Variants in RBP3 observed in about 807,000 individuals in gnomAD.
The protein encoded by RBP3 is retinol-binding protein 3.
In RBP3, 50 loss-of-function variants were observed where a neutral mutation model predicts 64.8. That is an observed-to-expected ratio of 0.77 (90% CI 0.61 to 0.98). The LOEUF is 0.98. Among genes scored for constraint, RBP3 ranks in the 50% least tolerant of loss-of-function variants. RBP3 has a pLI of 0.00. For synonymous variants in RBP3, 828 were observed against 730.2 expected (o/e 1.13, Z -2.16); for missense variants, 1,712 against 1,660.5 (o/e 1.03, Z -0.54).
rs150932600 is a variant in RBP3, at chr10:47,348,848, C to T, written c.364C>T (p.Arg122Cys). 38 of 1,613,898 alleles carry T rather than the reference C, an allele frequency of 2.4e-5. No individual in the cohort carries two copies. Among genetic ancestry groups the T allele is most frequent in the East Asian group, 6.7e-5 (3 of 44,872 alleles). ...ELLAWLQRGLRHEVLEGNVGY... is the reference protein window; with the variant it reads ...ELLAWLQRGLCHEVLEGNVGY... ...GCTTGCCTGGCTGCAAAGGGGCCTC[C>T]GCCATGAGGTTCTGGAGGGTAATGT... Residue 122 changes from arginine (R) to cysteine (C), a missense_variant, in exon 1 of 4, where the codon CGC becomes TGC. Coordinates refer to ENST00000584701, the MANE Select transcript of RBP3 (RefSeq NM_002900.3).
chr10:47,356,817 C>T (rs561199124), intron 3 of RBP3, among the ~76,000 whole-genome samples: 116 of 152,298 alleles, frequency 7.6e-4, no homozygotes, highest in African/African-American at 2.7e-3. Context: ...AGAGAGGATG[C>T]TCCTTTCTCA....
intron 3 of RBP3, 63 bp from the exon 4 acceptor site, chr10:47,357,039 G>A (rs1555212039): frequency 6.7e-7 from 1 of 1,498,168 alleles, no homozygotes; most frequent in Non-Finnish European, 9.1e-7. Flanking sequence ...AGGCAGGATA[G>A]AGAAGACAGG....
At position 47,351,381 on chromosome 10, in the gene RBP3, G is replaced by A; in HGVS notation, c.2897G>A (p.Ser966Asn). The A allele has an allele frequency of 6.2e-7, 1 of 1,613,556 alleles. No individual in the cohort carries two copies. Among genetic ancestry groups the A allele is most frequent in the Non-Finnish European group, 8.5e-7 (1 of 1,180,016 alleles). ...GGGGCCAAGATGGCCACCAAACTGA[G>A]CGGTCTGCAGAGCCGCTACTCCAGG... ...ELGAKMATKL[S>N]GLQSRYSRVT... The change falls in exon 1 of 4, where the codon AGC becomes AAC. Residue 966 changes from serine (S) to asparagine (N), a missense_variant. Transcript: ENST00000584701.
rs782018053 is a variant in RBP3 at position 47,349,636 on chromosome 10, G to A, written c.1152G>A (p.Arg384=). The stretch of plus-strand genomic sequence containing the variant: ...TGCAGGCTGCGTCTGAGGATCCCAG[G>A]CTCCTGGTGCGAGCCATCGGGCCCA... ...AGLQAASEDP[R]LLVRAIGPTE... The change falls in exon 1 of 4, where the codon AGG becomes AGA. Residue 384 remains arginine (R), a synonymous_variant. Transcript: ENST00000584701. 13 of 1,612,382 alleles carry A rather than the reference G, an allele frequency of 8.1e-6. No individual in the cohort carries two copies. Among genetic ancestry groups the A allele is most frequent in the Non-Finnish European group, 9.3e-6 (11 of 1,180,020 alleles).
chr10:47,350,097 A>G lies in RBP3; in HGVS notation c.1613A>G (p.Tyr538Cys), dbSNP rs782164621. ...CGCTACAGCACCCAACGTGGGGTGTATCTGCTCACCAGCCACCGCACCGCC... is the reference window on the plus strand; with the variant it reads ...CGCTACAGCACCCAACGTGGGGTGTGTCTGCTCACCAGCCACCGCACCGCC... ...GPRYSTQRGV[Y>C]LLTSHRTATA... The change falls in exon 1 of 4, where the codon TAT becomes TGT. Residue 538 changes from tyrosine (Y) to cysteine (C), a missense_variant. Transcript: ENST00000584701. 60 of 1,612,910 alleles carry G rather than the reference A, an allele frequency of 3.7e-5. No individual in the cohort carries two copies. Among genetic ancestry groups the G allele is most frequent in the Non-Finnish European group, 4.8e-5 (57 of 1,180,016 alleles).
Position 47,350,275 on chromosome 10 carries a change from C to G in RBP3, c.1791C>G (p.Thr597=). 1.9e-6 allele frequency: 3 copies of G among 1,608,348 alleles called. No homozygotes were observed. The highest frequency in any genetic ancestry group is 1.1e-5 in the South Asian group (1 of 91,082). The part of the protein sequence containing the change: ...GSLALTVPVL[T]FIDNHGEAWL... ...TCGCGCTCACCGTGCCGGTCCTCAC[C>G]TTCATCGACAATCACGGCGAGGCCT... The change falls in exon 1 of 4, where the codon ACC becomes ACG. Residue 597 remains threonine, a synonymous_variant. Transcript: ENST00000584701.
At position 47,353,519 on chromosome 10, in the gene RBP3, A is replaced by T; in HGVS notation, c.3245+4A>T. The T allele has an allele frequency of 6.2e-7, 1 of 1,613,888 alleles. No individual in the cohort carries two copies. Among genetic ancestry groups the T allele is most frequent in the South Asian group, 1.1e-5 (1 of 91,066 alleles). ...ATGCCATGATCATCGACATGAGGTC[A>T]GTGGCCAGGGGTCAGTGCTTCCTAG... is the stretch of plus-strand genomic sequence containing the variant. On this transcript the variant is annotated splice_donor_region_variant and intron_variant, in intron 2 of 3. Transcript: ENST00000584701.
In RBP3 at chr10:47,350,636, C is replaced by A. The variant is rs781813519; in HGVS notation, c.2152C>A (p.Pro718Thr). 17 of 1,612,780 alleles carry A rather than the reference C, an allele frequency of 1.1e-5. No individual in the cohort carries two copies. Among genetic ancestry groups the A allele is most frequent in the Non-Finnish European group, 1.4e-5 (17 of 1,180,048 alleles). The change falls in exon 1 of 4, where the codon CCT becomes ACT. Residue 718 changes from proline (P) to threonine (T), a missense_variant. Pro to Thr is a conservative substitution (Grantham distance 38, BLOSUM62 -1). Coordinates refer to ENST00000584701, the MANE Select transcript of RBP3 (RefSeq NM_002900.3). ...LVVEEAPPPP[P>T]AVPSPEELTY... Reference sequence around the variant, plus strand: ...GGTAGAGGAAGCACCCCCACCACCCCCTGCTGTCCCCTCTCCAGAGGAGCT... The same window carrying A: ...GGTAGAGGAAGCACCCCCACCACCCACTGCTGTCCCCTCTCCAGAGGAGCT...
chr10:47,351,669 G>T, intron 1 of RBP3, 131 bp downstream of exon 1: 2 of 1,178,012 alleles, frequency 1.7e-6, no homozygotes. Flanking sequence ...AGTTTTGACC[G>T]GTCAAGTCCT....
At position 47,353,332 on chromosome 10, in the gene RBP3, C is replaced by A. The variant is rs148591757; in HGVS notation, c.3062C>A (p.Ser1021Tyr). 3.3e-4 allele frequency: 537 copies of A among 1,613,982 alleles called. 2 individuals carry two copies. In the African/African-American group the frequency reaches 6.3e-3, roughly 19 times the overall value. ...IPGIVPMQIPSPEVFEELIKF... is the reference protein window; with the variant it reads ...IPGIVPMQIPYPEVFEELIKF... ...GACCTCCAACTCTTACAGATCCCTT[C>A]CCCTGAAGTATTTGAAGAGCTGATC... The change falls in exon 2 of 4, where the codon TCC (serine) becomes TAC (tyrosine). Residue 1021 changes from serine (S) to tyrosine (Y), a missense_variant. Ser to Tyr is a moderately radical substitution (Grantham distance 144). Transcript: ENST00000584701.
Position 47,349,814 on chromosome 10 carries a change from T to G in RBP3, c.1330T>G (p.Phe444Val). The G allele has an allele frequency of 3.1e-6, 5 of 1,613,202 alleles. No homozygotes were observed. Among genetic ancestry groups the G allele is most frequent in the Non-Finnish European group, 4.2e-6 (5 of 1,180,020 alleles). Residue 444 changes from phenylalanine to valine, a missense_variant, in exon 1 of 4, where the codon TTC (phenylalanine) becomes GTC (valine). By Grantham distance (50) the Phe-to-Val change is conservative. Coordinates refer to ENST00000584701, the MANE Select transcript of RBP3 (RefSeq NM_002900.3). ...VLPGNVGYLR[F>V]DSFADASVLG... ...GCCAGGCAATGTGGGCTACCTGCGC[T>G]TCGATAGTTTTGCTGACGCCTCCGT...
rs1012260815 is a variant in RBP3, at chr10:47,350,701, G to A, written c.2217G>A (p.Leu739=). 6 of 1,613,150 alleles carry A rather than the reference G, an allele frequency of 3.7e-6. No individual in the cohort carries two copies. The highest frequency in any genetic ancestry group is 3.3e-5 in the Admixed American group (2 of 60,020). The change falls in exon 1 of 4, where the codon CTG becomes CTA. Residue 739 remains leucine (L), a synonymous_variant. Transcript: ENST00000584701. ...LIEALFKTEV[L]PGQLGYLRFD... is the part of the protein sequence containing the mutation. ...AGGCCCTGTTCAAGACAGAGGTGCT[G>A]CCCGGCCAGCTGGGCTACCTGCGTT...
In RBP3 at chr10:47,350,998, G is replaced by A. The variant is rs1374581350; in HGVS notation, c.2514G>A (p.Lys838=). The stretch of plus-strand genomic sequence containing the variant: ...CCGGCCAGCGCTACGGCTCACACAA[G>A]GACCTCTACATCCTGATGAGCCACA... The part of the protein sequence containing the change: ...QVAGQRYGSH[K]DLYILMSHTS... Residue 838 remains lysine (K), a synonymous_variant, in exon 1 of 4, where the codon AAG becomes AAA. Transcript: ENST00000584701. 34 of 1,611,176 alleles carry A rather than the reference G, an allele frequency of 2.1e-5. No individual in the cohort carries two copies. The highest frequency in any genetic ancestry group is 2.8e-5 in the Non-Finnish European group (33 of 1,179,942).
At position 47,348,692 on chromosome 10, in the gene RBP3, C is replaced by T. The variant is rs1555210872; in HGVS notation, c.208C>T (p.Leu70=). The T allele has an allele frequency of 6.2e-7, 1 of 1,613,614 alleles. No individual in the cohort carries two copies. Among genetic ancestry groups the T allele is most frequent in the South Asian group, 1.1e-5 (1 of 91,086 alleles). Residue 70 remains leucine (L), a synonymous_variant, in exon 1 of 4, where the codon CTG becomes TTG. Transcript: ENST00000584701. ...TCTGAGCATCTCAGACCCGCAGACG[C>T]TGGCCAGTGTGCTGACAGCCGGGGT... is the stretch of plus-strand genomic sequence containing the variant. ...EILSISDPQT[L]ASVLTAGVQS...
intron 1 of RBP3, 60 bp downstream of exon 1, chr10:47,351,598 G>A (rs782612772): frequency 5.7e-4 from 906 of 1,587,126 alleles, no homozygotes; most frequent in Non-Finnish European, 7.2e-4. Flanking sequence ...CCCATTGTCC[G>A]CACATGCAGG....
Position 47,349,831 on chromosome 10 carries a change from C to G in RBP3, c.1347C>G (p.Asp449Glu). Reference sequence around the variant, plus strand: ...ACCTGCGCTTCGATAGTTTTGCTGACGCCTCCGTCCTGGGTGTGTTGGCCC... The same window carrying G: ...ACCTGCGCTTCGATAGTTTTGCTGAGGCCTCCGTCCTGGGTGTGTTGGCCC... Reference protein sequence around the residue: ...VGYLRFDSFADASVLGVLAPY... With the variant: ...VGYLRFDSFAEASVLGVLAPY... The change falls in exon 1 of 4, where the codon GAC becomes GAG. Residue 449 changes from aspartate (D) to glutamate (E), a missense_variant. Transcript: ENST00000584701. 6.2e-7 allele frequency: 1 copy of G among 1,613,174 alleles called. No individual in the cohort carries two copies. The highest frequency in any genetic ancestry group is 1.6e-4 in the Middle Eastern group (1 of 6,062).
Position 47,355,370 on chromosome 10 carries a change from C to T in RBP3, c.3246-6C>T, listed in dbSNP as rs1837031637. 6.2e-7 allele frequency: 1 copy of T among 1,613,702 alleles called. No homozygotes were observed. Among genetic ancestry groups the T allele is most frequent in the Non-Finnish European group, 8.5e-7 (1 of 1,180,032 alleles). On this transcript the variant is annotated splice_region_variant and splice_polypyrimidine_tract_variant and intron_variant, in intron 2 of 3. Transcript: ENST00000584701. ...CCCTGAACAGGCTCTGCTTCCCATC[C>T]TTCAGGTTCAACATCGGTGGCCCCA...
chr10:47,354,920 C>A (rs1565768477), intron 2 of RBP3, among the ~76,000 whole-genome samples: 2 of 152,156 alleles, frequency 1.3e-5, no homozygotes, highest in Non-Finnish European at 2.9e-5. Flanking sequence ...ACACTAAGTG[C>A]CCTGTTAAGA....
In RBP3 at chr10:47,350,651, C is replaced by T; in HGVS notation, c.2167C>T (p.Pro723Ser). Residue 723 changes from proline to serine, a missense_variant, in exon 1 of 4, where the codon CCA becomes TCA. Physicochemically the swap from Pro to Ser is moderately conservative, Grantham distance 74. Transcript: ENST00000584701. ...APPPPPAVPS[P>S]EELTYLIEAL... is the part of the protein sequence containing the mutation. Reference sequence around the variant, plus strand: ...CCCACCACCCCCTGCTGTCCCCTCTCCAGAGGAGCTCACCTACCTTATTGA... The same window carrying T: ...CCCACCACCCCCTGCTGTCCCCTCTTCAGAGGAGCTCACCTACCTTATTGA... 1 of 1,612,896 alleles carries T rather than the reference C, an allele frequency of 6.2e-7. No homozygotes were observed. Among genetic ancestry groups the T allele is most frequent in the Non-Finnish European group, 8.5e-7 (1 of 1,180,032 alleles).
Sources: gnomAD v4.1 joint callset for allele counts (sites outside exome capture counted in the v4.1 genomes callset) on GRCh38, gnomAD v4.1.1 for gene constraint, MANE v1.5 for transcripts, NCBI Gene and HGNC (gene_info 2026-07-23, HGNC 2026-07-21) for gene names.